SYCP2: variants seen among roughly 807,000 people sequenced by gnomAD.
SYCP2 encodes the protein synaptonemal complex lateral element protein.
A neutral mutation model predicts 211.3 loss-of-function variants in SYCP2; 55 were observed. The ratio of observed to expected loss-of-function variants is 0.26; its 90% confidence interval spans 0.21 to 0.33. The LOEUF (loss-of-function observed/expected upper bound fraction) is 0.33. Ranked by LOEUF, SYCP2 falls within the 10% of genes least tolerant of loss-of-function variation. SYCP2 has a pLI of 1.00. For missense variants in SYCP2, 1,731 were observed against 1,752.0 expected (o/e 0.99, Z 0.21); for synonymous variants, 570 against 555.2 (o/e 1.03, Z -0.37).
intron 39 of SYCP2, among the ~76,000 whole-genome samples, chr20:59,867,266 T>C (rs556257189): frequency 6.6e-6 from 1 of 151,602 alleles, no homozygotes; most frequent in Non-Finnish European, 1.5e-5. Flanking sequence ...AAAAGCATTT[T>C]TGCATTATCT....
chr20:59,871,731 A>G (rs2059455415), intron 35 of SYCP2, among the ~76,000 whole-genome samples: 1 of 152,000 alleles, frequency 6.6e-6, no homozygotes, highest in African/African-American at 2.4e-5. Flanking sequence ...CCTCCCATAT[A>G]CATAAGTAAT....
intron 13 of SYCP2, 34 bp downstream of exon 13, chr20:59,912,339 A>C (rs776933925): frequency 1.2e-6 from 1 of 831,738 alleles, no homozygotes; most frequent in Non-Finnish European, 1.9e-6. Flanking sequence ...AATTCATGCA[A>C]TAACTAAAAT....
Position 59,914,271 on chromosome 20 carries a change from T to C in SYCP2, c.635-20A>G. Reference sequence around the variant, plus strand: ...CATAATCTATTAAAAAAATAGTTAATGTTTGATTTACAATTATGAAAATTA... The same window carrying C: ...CATAATCTATTAAAAAAATAGTTAACGTTTGATTTACAATTATGAAAATTA... On this transcript the variant is annotated intron_variant, in intron 10 of 44. Coordinates refer to ENST00000357552, the MANE Select transcript of SYCP2 (RefSeq NM_014258.4). 1 of 1,433,320 alleles carries C rather than the reference T, an allele frequency of 7.0e-7. No individual in the cohort carries two copies. Among genetic ancestry groups the C allele is most frequent in the East Asian group, 2.3e-5 (1 of 43,082 alleles). The allele number at this position is 1,433,320 out of a possible 1,614,324, so 88.8% of individuals were successfully genotyped here.
chr20:59,866,619 A>G (rs768624761), intron 39 of SYCP2, 30 bp from the exon 40 acceptor site: 1 of 1,472,550 alleles, frequency 6.8e-7, no homozygotes, highest in Non-Finnish European at 9.3e-7. Flanking sequence ...AAGTTAAAAT[A>G]TCTTTACAAA....
At chr20:59,891,914 C>CA in intron 24 of SYCP2, 76 bp downstream of exon 24, 1 of 1,277,224 alleles carries the variant, frequency 7.8e-7, no homozygotes, top group Non-Finnish European at 1.1e-6. Flanking sequence ...AGCAATTAAT[C>CA]AAGTTTCTTT....
intron 39 of SYCP2, among the ~76,000 whole-genome samples, chr20:59,867,033 AAAG>A (rs1318708917): frequency 1.3e-4 from 18 of 141,860 alleles, no homozygotes; most frequent in Non-Finnish European, 2.3e-4. Flanking sequence ...AAAAAAAAAA[AAAG>A]AAACAGAAAA....
intron 14 of SYCP2, among the ~76,000 whole-genome samples, chr20:59,907,638 T>C (rs1028869118): frequency 6.6e-6 from 1 of 152,230 alleles, no homozygotes; most frequent in African/African-American, 2.4e-5. Context: ...AATGATGATT[T>C]TGACAATTTT....
chr20:59,873,767 G>A (rs1331236630), intron 35 of SYCP2, 89 bp downstream of exon 35: 7 of 1,142,818 alleles, frequency 6.1e-6, no homozygotes, highest in Middle Eastern at 2.8e-4. Flanking sequence ...AAATAGACAA[G>A]CAATGTGTAT....
Position 59,875,453 on chromosome 20 carries a change from G to A in SYCP2, c.3167C>T (p.Ser1056Phe). 5 of 1,611,066 alleles carry A rather than the reference G, an allele frequency of 3.1e-6. No individual in the cohort carries two copies. Among genetic ancestry groups the A allele is most frequent in the Non-Finnish European group, 4.2e-6 (5 of 1,178,608 alleles). Residue 1056 changes from serine to phenylalanine, a missense_variant, in exon 34 of 45, where the codon TCC becomes TTC. Ser to Phe is a radical substitution (Grantham distance 155). Transcript: ENST00000357552. ...TGGTAGCTTTACCGTTTTCATTCTG[G>A]AATGGATATTCTCCTCCTAAATGTA... ...NIPVKEENIH[S>F]RMKTVKLPKK...
intron 8 of SYCP2, among the ~76,000 whole-genome samples, chr20:59,916,268 T>C (rs987449847): frequency 6.6e-6 from 1 of 152,204 alleles, no homozygotes; most frequent in African/African-American, 2.4e-5. Flanking sequence ...ATCTGGTTGG[T>C]ATAATTTATT....
At position 59,930,995 on chromosome 20, in the gene SYCP2, G is replaced by A. The variant is rs2060729137; in HGVS notation, c.-47+1067C>T. On this transcript the variant is annotated intron_variant, in intron 2 of 44. Coordinates refer to ENST00000357552, the MANE Select transcript of SYCP2 (RefSeq NM_014258.4). ...ATAACATGATTTTTAAAATAAAAAT[G>A]AACTATATATAGTAACTTATGAATT... 2.0e-5 allele frequency among the ~76,000 whole-genome samples: 3 copies of A among 151,986 alleles called. No individual in the cohort carries two copies. In the South Asian group the frequency reaches 6.2e-4, roughly 32 times the overall value.
intron 14 of SYCP2, among the ~76,000 whole-genome samples, 180 bp downstream of exon 14, chr20:59,911,570 G>A (rs1225224346): frequency 6.8e-6 from 1 of 147,200 alleles, no homozygotes; most frequent in East Asian, 1.9e-4. Flanking sequence ...TAAAACATCA[G>A]AAGTAGTTTT....
At chr20:59,883,597 AAAG>A (rs1161034600) in intron 26 of SYCP2, among the ~76,000 whole-genome samples, 1 of 151,962 alleles carries the variant, frequency 6.6e-6, no homozygotes, top group Non-Finnish European at 1.5e-5. Context: ...AACCAGACAG[AAAG>A]AAAAATACTG....
chr20:59,912,339 A>G (rs776933925), intron 13 of SYCP2, 34 bp downstream of exon 13: 1 of 831,738 alleles, frequency 1.2e-6, no homozygotes, highest in South Asian at 1.6e-5. Flanking sequence ...AATTCATGCA[A>G]TAACTAAAAT....
chr20:59,877,502 T>C lies in SYCP2; in HGVS notation c.3033A>G (p.Arg1011=). 2 of 1,605,322 alleles carry C rather than the reference T, an allele frequency of 1.2e-6. No individual in the cohort carries two copies. Among genetic ancestry groups the C allele is most frequent in the South Asian group, 1.1e-5 (1 of 88,026 alleles). ...KKMDKTIPEG[R]IRLPRKATKT... ...TGGTTGCTTTTCGTGGAAGTCTGAT[T>C]CTTCCTTCCGGAATTGTCTTGTCCA... Residue 1011 remains arginine, a synonymous_variant, in exon 33 of 45, where the codon AGA becomes AGG. Coordinates refer to ENST00000357552, the MANE Select transcript of SYCP2 (RefSeq NM_014258.4).
Position 59,892,689 on chromosome 20 carries a change from A to T in SYCP2, c.1806T>A (p.Val602=). 1 of 1,602,568 alleles carries T rather than the reference A, an allele frequency of 6.2e-7. No homozygotes were observed. Among genetic ancestry groups the T allele is most frequent in the Non-Finnish European group, 8.5e-7 (1 of 1,175,354 alleles). The change falls in exon 23 of 45, where the codon GTT becomes GTA. Residue 602 remains valine (V), a synonymous_variant. Transcript: ENST00000357552. ...EKRDHTILPG[V]LDNICGNKIH... ...TTTTATTTCCACAGATGTTGTCTAA[A>T]ACACCAGGTAATCTAGAAAATAAAT...
At chr20:59,866,467 G>A (rs2059337554) in intron 40 of SYCP2, 28 bp downstream of exon 40, 1 of 1,587,606 alleles carries the variant, frequency 6.3e-7, no homozygotes, top group Non-Finnish European at 8.6e-7. Context: ...GCATTCAAAA[G>A]TTTTCAGAAC....
At chr20:59,868,693 A>G in intron 37 of SYCP2, 125 bp from the exon 38 acceptor site, 3 of 1,256,878 alleles carry the variant, frequency 2.4e-6, no homozygotes, top group Middle Eastern at 2.2e-4. Flanking sequence ...TTAGGTAATT[A>G]TGCATTCAAT....
rs189097324 is a variant in SYCP2, at chr20:59,905,844, T to C, written c.1033+1520A>G. Among the ~76,000 whole-genome samples, 512 of 152,108 alleles carry C rather than the reference T, an allele frequency of 3.4e-3. 7 individuals carry two copies. The highest frequency in any genetic ancestry group is 0.017 in the South Asian group (82 of 4,822). On this transcript the variant is annotated intron_variant, in intron 15 of 44. Transcript: ENST00000357552. ...CAAAGATGTCCACTTTTATCGCTTC[T>C]ATTCAACATTGCACTGGAGGTTCTA...
Sources: gnomAD v4.1 joint callset for allele counts (sites outside exome capture counted in the v4.1 genomes callset) on GRCh38, gnomAD v4.1.1 for gene constraint, MANE v1.5 for transcripts, NCBI Gene and HGNC (gene_info 2026-07-23, HGNC 2026-07-21) for gene names.